PRMT2: variants seen among roughly 807,000 people sequenced by gnomAD.
PRMT2 encodes the protein protein arginine methyltransferase 2.
PRMT2 carries 26 observed loss-of-function variants against 57.6 expected under a neutral mutation model. That is an observed-to-expected ratio of 0.45 (90% CI 0.33 to 0.63). The LOEUF (loss-of-function observed/expected upper bound fraction) is 0.63, where lower values mean the gene tolerates loss of function less well. Among genes scored for constraint, PRMT2 ranks in the 20% least tolerant of loss-of-function variants. The pLI is 0.02. For synonymous variants in PRMT2, 219 were observed against 220.0 expected, an observed-to-expected ratio of 1.00 and a Z score of 0.04; for missense variants, 472 against 564.4, an observed-to-expected ratio of 0.84 and a Z score of 1.66.
intron 11 of PRMT2, 83 bp from the exon 12 acceptor site, chr21:46,664,212 C>A: frequency 8.2e-7 from 1 of 1,226,302 alleles, no homozygotes; most frequent in South Asian, 1.2e-5. Flanking sequence ...GTTCTCTTGT[C>A]CAATATTAAA....
rs998333624 is a variant in PRMT2, at chr21:46,649,369, G to A, written c.490-206G>A. On this transcript the variant is annotated intron_variant, in intron 6 of 11. Coordinates refer to ENST00000355680, the MANE Select transcript of PRMT2 (RefSeq NM_206962.4). This position sits in a 1 kb window ranked among gnomAD's most constrained non-coding sequence, Gnocchi z 4.8. ...CGTCTGTGTCTTGTCCGGGAGGTGG[G>A]GGCAGTTGGGAGGGTTAGAGGCGGC... 2 of 732,454 alleles carry A rather than the reference G, an allele frequency of 2.7e-6. No individual in the cohort carries two copies. The highest frequency in any genetic ancestry group is 1.7e-5 in the African/African-American group (1 of 57,636). 45.4% of individuals were successfully genotyped at this position (732,454 alleles called of 1,614,324 possible). A position where few individuals can be genotyped will look rare whatever the true frequency, so the allele number is the denominator to read the frequency against.
Position 46,663,398 on chromosome 21 carries a change from G to A in PRMT2, c.1113G>A (p.Lys371=). The A allele has an allele frequency of 1.2e-6, 2 of 1,612,984 alleles. No homozygotes were observed. The highest frequency in any genetic ancestry group is 1.7e-6 in the Non-Finnish European group (2 of 1,179,130). Residue 371 remains lysine, a synonymous_variant, in exon 11 of 12, where the codon AAG becomes AAA. Transcript: ENST00000355680. ...TGTCTTGCAGCACCACACACTGGAA[G>A]CAGACGCTGTTCATGATGGACGACC... ...TGPFHPTTHW[K]QTLFMMDDPV...
intron 3 of PRMT2, among the ~76,000 whole-genome samples, chr21:46,641,212 A>G (rs1214641550): frequency 6.6e-6 from 1 of 152,080 alleles, no homozygotes; most frequent in Non-Finnish European, 1.5e-5. Flanking sequence ...CTGTGCACAG[A>G]CTTCTTTTAT....
intron 7 of PRMT2, among the ~76,000 whole-genome samples, chr21:46,650,457 G>A (rs1226076399): frequency 4.6e-5 from 7 of 152,172 alleles, no homozygotes; most frequent in African/African-American, 7.2e-5. Context: ...GTAACAGATG[G>A]CATTGGGCTT....
Position 46,649,752 on chromosome 21 carries a change from G to A in PRMT2, c.654+13G>A, listed in dbSNP as rs370699072. ...GACCTGCCTGCTGGTGAGGGCGGGCGTGCGGGCAGCTGGGGGCCGGAGCTG... is the reference window on the plus strand; with the variant it reads ...GACCTGCCTGCTGGTGAGGGCGGGCATGCGGGCAGCTGGGGGCCGGAGCTG... On this transcript the variant is annotated intron_variant, in intron 7 of 11. Transcript: ENST00000355680. The surrounding 1 kb of genome is among the most constrained non-coding windows in gnomAD (Gnocchi z 4.8). The A allele has an allele frequency of 3.2e-5, 51 of 1,609,816 alleles. No homozygotes were observed. The highest frequency in any genetic ancestry group is 1.6e-4 in the East Asian group (7 of 44,706).
intron 3 of PRMT2, among the ~76,000 whole-genome samples, chr21:46,639,340 C>T (rs2061228714): frequency 6.6e-6 from 1 of 152,048 alleles, no homozygotes; most frequent in Non-Finnish European, 1.5e-5. Flanking sequence ...GTGTAGCATT[C>T]TATAAATGTC....
chr21:46,663,048 C>G (rs1360239634), intron 10 of PRMT2, among the ~76,000 whole-genome samples: 1 of 152,216 alleles, frequency 6.6e-6, no homozygotes, highest in Non-Finnish European at 1.5e-5. Flanking sequence ...CCCGCATCCT[C>G]TGGGCCACCC....
Position 46,648,545 on chromosome 21 carries a change from A to G in PRMT2, c.415A>G (p.Lys139Glu), listed in dbSNP as rs1443846444. 4 of 1,614,254 alleles carry G rather than the reference A, an allele frequency of 2.5e-6. No individual in the cohort carries two copies. Among genetic ancestry groups the G allele is most frequent in the Admixed American group, 1.7e-5 (1 of 60,036 alleles). ...GCAGAATAAAGAATCCCTGACGGAT[A>G]AAGTCATCCTGGACGTGGGCTGTGG... Reference protein sequence around the residue: ...ILQNKESLTDKVILDVGCGTG... With the variant: ...ILQNKESLTDEVILDVGCGTG... Residue 139 changes from lysine to glutamate, a missense_variant, in exon 6 of 12, where the codon AAA (lysine) becomes GAA (glutamate). Coordinates refer to ENST00000355680, the MANE Select transcript of PRMT2 (RefSeq NM_206962.4). This position sits in a 1 kb window ranked among gnomAD's most constrained non-coding sequence, Gnocchi z 4.8.
At chr21:46,651,909 C>T in intron 7 of PRMT2, 1 of 1,613,228 alleles carries the variant, frequency 6.2e-7, no homozygotes, top group Non-Finnish European at 8.5e-7. Flanking sequence ...ACCTGTGCGT[C>T]TGTCCCTCTT....
chr21:46,659,300 T>C, intron 8 of PRMT2: 1 of 1,011,622 alleles, frequency 9.9e-7, no homozygotes, highest in Non-Finnish European at 1.2e-6. Context: ...CATGGGGGCC[T>C]GTGTGCACCA....
chr21:46,654,600 A>G (rs1177837389), intron 7 of PRMT2, among the ~76,000 whole-genome samples: 2 of 152,260 alleles, frequency 1.3e-5, no homozygotes, highest in Non-Finnish European at 2.9e-5. Context: ...TACAACCTAC[A>G]TGTATTGAAA....
At chr21:46,643,701 AAATTTTGCAGACGTCACACC>A in intron 4 of PRMT2, 62 bp downstream of exon 4, 1 of 1,523,412 alleles carries the variant, frequency 6.6e-7, no homozygotes, top group Non-Finnish European at 8.8e-7. Flanking sequence ...AAAAGGAGAT[AAATTTTGCAGACGTCACACC>A]AAAGTTAAAT....
chr21:46,648,395 C>G lies in PRMT2; in HGVS notation c.328-63C>G. 9.6e-6 allele frequency: 15 copies of G among 1,570,176 alleles called. No homozygotes were observed. In the South Asian group the frequency reaches 1.7e-4, roughly 18 times the overall value. ...CAGCTGTGGCTCTGACCCTCCATCT[C>G]AGTCCAGACCTCAGCATGGCTCTAG... On this transcript the variant is annotated intron_variant, in intron 5 of 11. Transcript: ENST00000355680. This position sits in a 1 kb window ranked among gnomAD's most constrained non-coding sequence, Gnocchi z 4.8.
Position 46,648,879 on chromosome 21 carries a change from C to T in PRMT2, c.489+260C>T, listed in dbSNP as rs973406172. The stretch of plus-strand genomic sequence containing the variant: ...GAGTAGGGCAGAATAGACAATATCC[C>T]GTGAATTGCGTGGGGCGGGGTATGT... On this transcript the variant is annotated intron_variant, in intron 6 of 11. Coordinates refer to ENST00000355680, the MANE Select transcript of PRMT2 (RefSeq NM_206962.4). This position sits in a 1 kb window ranked among gnomAD's most constrained non-coding sequence, Gnocchi z 4.8. 2.0e-5 allele frequency among the ~76,000 whole-genome samples: 3 copies of T among 152,178 alleles called. No individual in the cohort carries two copies. The highest frequency in any genetic ancestry group is 2.9e-5 in the Non-Finnish European group (2 of 68,032).
At chr21:46,653,714 C>G in intron 7 of PRMT2, 2 of 1,253,376 alleles carry the variant, frequency 1.6e-6, no homozygotes, top group South Asian at 1.4e-5. Context: ...GGTGCCCACA[C>G]GCACACACAC....
chr21:46,651,832 T>G, intron 7 of PRMT2: 3 of 1,612,680 alleles, frequency 1.9e-6, no homozygotes, highest in Non-Finnish European at 2.5e-6. Context: ...GCTGCCGCAT[T>G]CTCCCCTGCA....
At chr21:46,658,691 G>A in intron 7 of PRMT2, 54 bp from the exon 8 acceptor site, 1 of 1,591,634 alleles carries the variant, frequency 6.3e-7, no homozygotes, top group Non-Finnish European at 8.6e-7. Context: ...TGAGAGGCCT[G>A]TGCAGCCGCG....
chr21:46,651,675 G>C, intron 7 of PRMT2: 1 of 1,036,388 alleles, frequency 9.6e-7, no homozygotes, highest in Admixed American at 2.1e-5. Context: ...CCCAGAACAG[G>C]GCAGACGGGG....
rs781264207 is a variant in PRMT2, at chr21:46,649,489, C to T, written c.490-86C>T. 1.4e-5 allele frequency: 23 copies of T among 1,597,158 alleles called. No individual in the cohort carries two copies. Among genetic ancestry groups the T allele is most frequent in the Non-Finnish European group, 2.0e-5 (23 of 1,166,978 alleles). On this transcript the variant is annotated intron_variant, in intron 6 of 11. Transcript: ENST00000355680. This position sits in a 1 kb window ranked among gnomAD's most constrained non-coding sequence, Gnocchi z 4.8. ...TTCCCTCTTGTGTCATTGACCATTT[C>T]TCGTGATGCTGGTTGTGACTCAGGA... is the stretch of plus-strand genomic sequence containing the variant.
Sources: allele counts gnomAD v4.1 joint callset (sites outside exome capture counted in the v4.1 genomes callset), GRCh38; gene constraint gnomAD v4.1.1; non-coding constraint Gnocchi (gnomAD v3.1); transcripts MANE v1.5; gene names NCBI Gene and HGNC (gene_info 2026-07-23, HGNC 2026-07-21).